Variants in TXNDC11 observed in about 807,000 individuals in gnomAD.
TXNDC11 encodes the protein thioredoxin domain containing 11.
In TXNDC11, 68 loss-of-function variants were observed where a neutral mutation model predicts 78.0. That is an observed-to-expected ratio of 0.87 (90% CI 0.72 to 1.07). The LOEUF is 1.07. TXNDC11 is among the 50% of genes least tolerant of loss of function. The probability of loss-of-function intolerance (pLI) is 0.00; values close to 1 mark genes in which losing one functional copy is unlikely to be tolerated. For missense variants in TXNDC11, 1,389 were observed against 1,221.8 expected (o/e 1.14, Z -2.04); for synonymous variants, 571 against 495.2 (o/e 1.15, Z -2.03).
chr16:11,737,306 G>A (rs561840503), intron 1 of TXNDC11, among the ~76,000 whole-genome samples: 39 of 151,904 alleles, frequency 2.6e-4, no homozygotes, highest in Middle Eastern at 3.4e-3. Flanking sequence ...GTAGCTGGGC[G>A]TGGTGATGGG....
chr16:11,703,986 G>A (rs547292054), intron 5 of TXNDC11, among the ~76,000 whole-genome samples: 2 of 152,202 alleles, frequency 1.3e-5, no homozygotes, highest in Non-Finnish European at 2.9e-5. Context: ...CAGCTATCTG[G>A]GAGGCTGAGG....
Position 11,712,600 on chromosome 16 carries a change from T to C in TXNDC11, c.793+8977A>G, listed in dbSNP as rs1402583378. On this transcript the variant is annotated intron_variant, in intron 5 of 11. Transcript: ENST00000283033. Reference sequence around the variant, plus strand: ...TTTAATAAGAAATCGTACTTCTGATTCTAACCTCACGTGCTGAGAGGATCT... The same window carrying C: ...TTTAATAAGAAATCGTACTTCTGATCCTAACCTCACGTGCTGAGAGGATCT... 2.0e-5 allele frequency among the ~76,000 whole-genome samples: 3 copies of C among 152,156 alleles called. No individual in the cohort carries two copies. The East Asian group carries it at 5.8e-4, about 29-fold the overall frequency.
At chr16:11,709,825 C>G (rs1164668354) in intron 5 of TXNDC11, among the ~76,000 whole-genome samples, 2 of 152,132 alleles carry the variant, frequency 1.3e-5, no homozygotes, top group Non-Finnish European at 2.9e-5. Context: ...AACTGTAGTA[C>G]TAAATACGCA....
chr16:11,727,338 C>G (rs1021886271), intron 4 of TXNDC11, among the ~76,000 whole-genome samples: 16 of 151,372 alleles, frequency 1.1e-4, no homozygotes, highest in Non-Finnish European at 2.4e-4. Context: ...AAAAAAAAAC[C>G]AATCCTTCAT....
chr16:11,703,509 TAC>T (rs34963301), intron 5 of TXNDC11, among the ~76,000 whole-genome samples: 28,839 of 144,568 alleles, frequency 0.2, 2,778 homozygotes, highest in South Asian at 0.27. Flanking sequence ...AGGCTTTTGA[TAC>T]ACACACACAC....
chr16:11,681,357 A>C (rs917647738), intron 11 of TXNDC11, among the ~76,000 whole-genome samples: 1 of 152,308 alleles, frequency 6.6e-6, no homozygotes, highest in African/African-American at 2.4e-5. Flanking sequence ...CAGGATGTCT[A>C]CCTCCAGACA....
intron 4 of TXNDC11, among the ~76,000 whole-genome samples, chr16:11,727,589 G>A (rs561195947): frequency 6.6e-6 from 1 of 152,102 alleles, no homozygotes; most frequent in South Asian, 2.1e-4. Flanking sequence ...TGAGTAGTTT[G>A]AGTAAAAAGT....
At chr16:11,694,877 T>C (rs2050818632) in intron 7 of TXNDC11, among the ~76,000 whole-genome samples, 1 of 152,258 alleles carries the variant, frequency 6.6e-6, no homozygotes, top group African/African-American at 2.4e-5. Context: ...GTGTATCACT[T>C]GATGTCATTT....
At chr16:11,720,770 G>A (rs2051680870) in intron 5 of TXNDC11, among the ~76,000 whole-genome samples, 1 of 150,090 alleles carries the variant, frequency 6.7e-6, no homozygotes, top group African/African-American at 2.5e-5. Context: ...ATCTCACTCT[G>A]TCCCCCAGGC....
intron 5 of TXNDC11, among the ~76,000 whole-genome samples, chr16:11,716,621 G>A (rs2051534675): frequency 6.6e-6 from 1 of 152,134 alleles, no homozygotes; most frequent in African/African-American, 2.4e-5. Flanking sequence ...AAATTAAAAG[G>A]AAGTTTTGAA....
At chr16:11,733,639 T>A (rs1381521495) in intron 3 of TXNDC11, among the ~76,000 whole-genome samples, 2 of 152,232 alleles carry the variant, frequency 1.3e-5, no homozygotes, top group Admixed American at 1.3e-4. Context: ...GATGAAACGA[T>A]AAGAAATTTT....
chr16:11,708,868 C>T (rs1296120718), intron 5 of TXNDC11, among the ~76,000 whole-genome samples: 1 of 152,086 alleles, frequency 6.6e-6, no homozygotes, highest in Non-Finnish European at 1.5e-5. Context: ...ACTCTTCTTT[C>T]CAAAGTCAGA....
At chr16:11,689,971 G>GA (rs972697047) in intron 8 of TXNDC11, 1 of 152,136 alleles carries the variant, frequency 6.6e-6, no homozygotes, top group Non-Finnish European at 1.5e-5. Flanking sequence ...ACTTGATATA[G>GA]AAAAATCAAT....
At chr16:11,700,674 G>A in intron 5 of TXNDC11, 110 bp from the exon 6 acceptor site, 2 of 589,228 alleles carry the variant, frequency 3.4e-6, no homozygotes, top group East Asian at 5.9e-5. Flanking sequence ...AGCTCCTTCT[G>A]GTAACCTAGC....
intron 5 of TXNDC11, among the ~76,000 whole-genome samples, chr16:11,709,738 G>C (rs536095573): frequency 2.5e-4 from 38 of 152,074 alleles, no homozygotes; most frequent in African/African-American, 8.2e-4. Context: ...CCTGGCAGCT[G>C]TGATTCTTTC....
In TXNDC11 at chr16:11,742,542, C is replaced by G. The variant is rs3743587; in HGVS notation, c.189G>C (p.Pro63=). 0.37 allele frequency: 541,890 copies of G among 1,456,264 alleles called. 102,693 individuals carry two copies. Among genetic ancestry groups the G allele is most frequent in the Admixed American group, 0.49 (18,974 of 38,430 alleles). 90.2% of individuals were successfully genotyped at this position (1,456,264 alleles called of 1,614,324 possible). A position where few individuals can be genotyped will look rare whatever the true frequency, so the allele number is the denominator to read the frequency against. The change falls in exon 1 of 12, where the codon CCG becomes CCC. Residue 63 remains proline (P), a synonymous_variant. Transcript: ENST00000283033. ...GCGCCACGGCCCCGCAGAGCAGCTCCGGCCGCTGGCGCGCCATGAGGAAGG... is the reference window on the plus strand; with the variant it reads ...GCGCCACGGCCCCGCAGAGCAGCTCGGGCCGCTGGCGCGCCATGAGGAAGG... The part of the protein sequence containing the change: ...RGAFLMARQR[P]ELLCGAVALG...
At chr16:11,738,211 T>C (rs192529520) in intron 1 of TXNDC11, among the ~76,000 whole-genome samples, 4 of 152,356 alleles carry the variant, frequency 2.6e-5, no homozygotes. Flanking sequence ...TATGACTGCA[T>C]TTATATGAAA....
At chr16:11,697,730 G>T (rs2050896430) in intron 7 of TXNDC11, among the ~76,000 whole-genome samples, 1 of 152,204 alleles carries the variant, frequency 6.6e-6, no homozygotes, top group Non-Finnish European at 1.5e-5. Flanking sequence ...AAACCCCCAA[G>T]ACAATGGCAT....
chr16:11,699,223 C>T (rs1168144781), intron 6 of TXNDC11, among the ~76,000 whole-genome samples: 1 of 145,198 alleles, frequency 6.9e-6, no homozygotes, highest in East Asian at 2.0e-4. Flanking sequence ...ACCAACCAAC[C>T]TTAATCACTA....
Sources: allele counts gnomAD v4.1 joint callset (sites outside exome capture counted in the v4.1 genomes callset), GRCh38; gene constraint gnomAD v4.1.1; transcripts MANE v1.5; gene names NCBI Gene and HGNC (gene_info 2026-07-23, HGNC 2026-07-21).